The following C6 variants were observed in gnomAD, a reference collection of about 807,000 sequenced individuals.
C6 encodes the protein complement component C6.
A neutral mutation model predicts 112.9 loss-of-function variants in C6; 101 were observed. That is an observed-to-expected ratio of 0.89 (90% CI 0.76 to 1.06). C6 has a LOEUF of 1.06. Ranked by LOEUF, C6 falls within the 50% of genes least tolerant of loss-of-function variation. The probability of loss-of-function intolerance (pLI) is 0.00; values close to 1 mark genes in which losing one functional copy is unlikely to be tolerated. For missense variants in C6, 1,202 were observed against 1,104.6 expected, an observed-to-expected ratio of 1.09 and a Z score of -1.25; for synonymous variants, 431 against 384.1, an observed-to-expected ratio of 1.12 and a Z score of -1.43.
chr5:41,257,883 T>G (rs1477965641), intron 1 of C6, among the ~76,000 whole-genome samples: 1 of 152,164 alleles, frequency 6.6e-6, no homozygotes, highest in Non-Finnish European at 1.5e-5. Flanking sequence ...CCCACCTACA[T>G]GTATGTATTT....
chr5:41,259,340 C>T (rs952412354), intron 1 of C6, among the ~76,000 whole-genome samples: 1 of 152,012 alleles, frequency 6.6e-6, no homozygotes, highest in African/African-American at 2.4e-5. Context: ...ACTTTGCATT[C>T]CTTGGTGAAT....
chr5:41,166,066 TAAAAAACTACAATGTTC>T, intron 9 of C6, among the ~76,000 whole-genome samples: 1 of 152,244 alleles, frequency 6.6e-6, no homozygotes, highest in Admixed American at 6.5e-5. Flanking sequence ...ATCAGCTTCT[TAAAAAACTACAATGTTC>T]TTTATAATTT....
rs747591504 is a variant in C6, at chr5:41,199,861, T to A, written c.352A>T (p.Thr118Ser). 1 of 1,613,568 alleles carries A rather than the reference T, an allele frequency of 6.2e-7. No individual in the cohort carries two copies. The highest frequency in any genetic ancestry group is 1.7e-5 in the Admixed American group (1 of 59,956). ...GGTTGAAAGGCTACCAGAGGCGCAGTGCATGGCTGTCCCCCAAACTGACTG... is the reference window on the plus strand; with the variant it reads ...GGTTGAAAGGCTACCAGAGGCGCAGAGCATGGCTGTCCCCCAAACTGACTG... Reference protein sequence around the residue: ...RPSQFGGQPCTAPLVAFQPCI... With the variant: ...RPSQFGGQPCSAPLVAFQPCI... The change falls in exon 4 of 18, where the codon ACT becomes TCT. Residue 118 changes from threonine to serine, a missense_variant. Coordinates refer to ENST00000337836, the MANE Select transcript of C6 (RefSeq NM_000065.5).
chr5:41,201,799 C>A, intron 2 of C6, 85 bp from the exon 3 acceptor site: 1 of 1,249,150 alleles, frequency 8.0e-7, no homozygotes, highest in Non-Finnish European at 1.2e-6. Context: ...TGAGCATTAA[C>A]TACAATAAAT....
chr5:41,190,818 A>T (rs1165622409), intron 5 of C6, among the ~76,000 whole-genome samples: 1 of 152,074 alleles, frequency 6.6e-6, no homozygotes, highest in Non-Finnish European at 1.5e-5. Context: ...TCTTCTGCAT[A>T]TGGATATCCA....
chr5:41,192,873 G>T (rs185676674), intron 5 of C6, among the ~76,000 whole-genome samples: 33 of 152,294 alleles, frequency 2.2e-4, no homozygotes, highest in African/African-American at 7.9e-4. Flanking sequence ...GAGTCAGGTA[G>T]AAGGGGGAAA....
chr5:41,230,054 A>C (rs964201451), intron 1 of C6, among the ~76,000 whole-genome samples: 7 of 152,162 alleles, frequency 4.6e-5, no homozygotes, highest in Non-Finnish European at 1.0e-4. Context: ...CACTTCCCTA[A>C]TAATACTCTT....
chr5:41,160,839 A>G (rs1747419738), intron 10 of C6, among the ~76,000 whole-genome samples: 1 of 152,170 alleles, frequency 6.6e-6, no homozygotes, highest in South Asian at 2.1e-4. Flanking sequence ...GTGGAGTGGG[A>G]GAAAATGAAG....
At chr5:41,257,771 T>C (rs1741809557) in intron 1 of C6, among the ~76,000 whole-genome samples, 1 of 152,166 alleles carries the variant, frequency 6.6e-6, no homozygotes, top group Non-Finnish European at 1.5e-5. Context: ...ACATATATAC[T>C]ACCTCCCAGC....
At position 41,149,225 on chromosome 5, in the gene C6, C is replaced by T. The variant is rs1746140199; in HGVS notation, c.2623+16G>A. 2 of 1,613,800 alleles carry T rather than the reference C, an allele frequency of 1.2e-6. No homozygotes were observed. The highest frequency in any genetic ancestry group is 1.1e-5 in the South Asian group (1 of 91,020). On this transcript the variant is annotated intron_variant, in intron 17 of 17. Coordinates refer to ENST00000337836, the MANE Select transcript of C6 (RefSeq NM_000065.5). The stretch of plus-strand genomic sequence containing the variant: ...GTTAAGTGAGAGCATTTAGTATGGT[C>T]ACCATTGGAACTTACCTGAACATTT...
At chr5:41,166,680 G>A (rs1395163080) in intron 9 of C6, among the ~76,000 whole-genome samples, 1 of 152,110 alleles carries the variant, frequency 6.6e-6, no homozygotes, top group East Asian at 1.9e-4. Context: ...AGTGTGATGA[G>A]TGCTATGATG....
chr5:41,190,699 C>T (rs1239707492), intron 5 of C6, among the ~76,000 whole-genome samples: 2 of 152,042 alleles, frequency 1.3e-5, no homozygotes, highest in Admixed American at 1.3e-4. Flanking sequence ...AAGGGTTTTC[C>T]CCTACATTTT....
intron 1 of C6, among the ~76,000 whole-genome samples, chr5:41,243,993 C>T (rs1740881136): frequency 6.6e-6 from 1 of 152,198 alleles, no homozygotes; most frequent in South Asian, 2.1e-4. Flanking sequence ...CCAGTCTTAT[C>T]ACCTTCCATT....
At position 41,195,837 on chromosome 5, in the gene C6, G is replaced by T. The variant is rs114609505; in HGVS notation, c.542C>A (p.Thr181Lys). The T allele has an allele frequency of 8.1e-6, 13 of 1,613,876 alleles. No homozygotes were observed. The highest frequency in any genetic ancestry group is 1.1e-5 in the Non-Finnish European group (13 of 1,179,850). The change falls in exon 5 of 18, where the codon ACA (threonine) becomes AAA (lysine). Residue 181 changes from threonine to lysine, a missense_variant. Transcript: ENST00000337836. ...RDCGRTKAVC[T>K]RKYNPIPSVQ... is the part of the protein sequence containing the mutation. ...ACTAGGGATGGGATTATACTTCCGT[G>T]TGCATACTGCCTTTGTCCTCCCACA...
intron 15 of C6, chr5:41,153,120 GT>G (rs1746566874): frequency 6.6e-6 from 1 of 152,242 alleles, no homozygotes. Context: ...AATTAATAAT[GT>G]TTCCCTGCCT....
intron 6 of C6, among the ~76,000 whole-genome samples, chr5:41,185,120 T>A (rs1749668703): frequency 6.6e-6 from 1 of 152,186 alleles, no homozygotes; most frequent in Non-Finnish European, 1.5e-5. Context: ...TTTAGCTCTG[T>A]CTACAAAGCC....
intron 5 of C6, among the ~76,000 whole-genome samples, chr5:41,186,743 G>A (rs1470265027): frequency 6.6e-6 from 1 of 151,922 alleles, no homozygotes; most frequent in Non-Finnish European, 1.5e-5. Context: ...GCAATAGTAA[G>A]TGCTTTACAA....
Position 41,195,671 on chromosome 5 carries a change from G to C in C6, c.587+121C>G, listed in dbSNP as rs1374869841. The C allele has an allele frequency of 7.8e-6, 8 of 1,026,916 alleles. No homozygotes were observed. The South Asian group carries it at 8.9e-5, about 11-fold the overall frequency. The allele number at this position is 1,026,916 out of a possible 1,614,324, so 63.6% of individuals were successfully genotyped here. A position where few individuals can be genotyped will look rare whatever the true frequency, so the allele number is the denominator to read the frequency against. ...ACATGGTAGCTAAGTATCAGAGATA[G>C]GGCTGGTAGGAGTAGTAAGAAGTTA... is the stretch of plus-strand genomic sequence containing the variant. On this transcript the variant is annotated intron_variant, in intron 5 of 17. Transcript: ENST00000337836.
At chr5:41,159,389 TA>T in intron 11 of C6, 136 bp from the exon 12 acceptor site, 1 of 1,444,256 alleles carries the variant, frequency 6.9e-7, no homozygotes, top group Admixed American at 2.6e-5. Flanking sequence ...TTCTAAGGAT[TA>T]AAAGAAATTA....
Sources: gnomAD v4.1 joint callset for allele counts (sites outside exome capture counted in the v4.1 genomes callset) on GRCh38, gnomAD v4.1.1 for gene constraint, MANE v1.5 for transcripts, NCBI Gene and HGNC (gene_info 2026-07-23, HGNC 2026-07-21) for gene names.